RNF144B: variants seen among roughly 807,000 people sequenced by gnomAD.
RNF144B encodes the protein ring finger protein 144B.
A neutral mutation model predicts 40.2 loss-of-function variants in RNF144B; 25 were observed. That is an observed-to-expected ratio of 0.62 (90% confidence interval 0.45 to 0.87). The LOEUF (loss-of-function observed/expected upper bound fraction) is 0.87. Ranked by LOEUF, RNF144B falls within the 40% of genes least tolerant of loss-of-function variation. The pLI is 0.00. For synonymous variants in RNF144B, 145 were observed against 136.3 expected (o/e 1.06, Z -0.44); for missense variants, 365 against 373.7 (o/e 0.98, Z 0.19).
chr6:18,411,653 G>A (rs903400959), intron 2 of RNF144B, among the ~76,000 whole-genome samples: 2 of 150,836 alleles, frequency 1.3e-5, no homozygotes, highest in Admixed American at 1.3e-4. Context: ...ACAAACATGC[G>A]CCACCGCACC....
chr6:18,427,723 T>C, intron 3 of RNF144B, 38 bp downstream of exon 3: 1 of 1,255,820 alleles, frequency 8.0e-7, no homozygotes, highest in Non-Finnish European at 1.2e-6. Flanking sequence ...TCTTTCCTAT[T>C]TATGTTATTT....
Position 18,464,925 on chromosome 6 carries a change from A to G in RNF144B, c.772-2A>G. On this transcript the variant is annotated splice_acceptor_variant, in intron 7 of 7. Transcript: ENST00000259939. LOFTEE classifies it high-confidence loss of function. The surrounding 1 kb of genome is among the most constrained non-coding windows in gnomAD (Gnocchi z 6.1). ...AAATATGCTTTTCTTTGAAATTTCC[A>G]GGTGGTGGGGATTCTCGTAGGCTTG... 1 of 1,613,654 alleles carries G rather than the reference A, an allele frequency of 6.2e-7. No individual in the cohort carries two copies. Among genetic ancestry groups the G allele is most frequent in the Non-Finnish European group, 8.5e-7 (1 of 1,179,746 alleles).
rs1428763328 is a variant in RNF144B at position 18,448,809 on chromosome 6, G to T, written c.332-8346G>T. Among the ~76,000 whole-genome samples, 1 of 151,684 alleles carries T rather than the reference G, an allele frequency of 6.6e-6. No individual in the cohort carries two copies. The highest frequency in any genetic ancestry group is 2.4e-5 in the African/African-American group (1 of 41,284). ...TCTAATCTGTTTCATTTTTATGCTGGTCACAACCTATTAAACTGATACCTC... is the reference window on the plus strand; with the variant it reads ...TCTAATCTGTTTCATTTTTATGCTGTTCACAACCTATTAAACTGATACCTC... On this transcript the variant is annotated intron_variant, in intron 4 of 7. Transcript: ENST00000259939. This position sits in a 1 kb window ranked among gnomAD's most constrained non-coding sequence, Gnocchi z 4.0.
Position 18,444,045 on chromosome 6 carries a change from T to C in RNF144B, c.331+4301T>C, listed in dbSNP as rs74879743. Among the ~76,000 whole-genome samples the C allele has an allele frequency of 0.033, 5,011 of 152,306 alleles. 163 individuals are homozygous for C. Among genetic ancestry groups the C allele is most frequent in the African/African-American group, 0.08 (3,310 of 41,540 alleles). The stretch of plus-strand genomic sequence containing the variant: ...ATCCTTAGTTTTTTCCAATTCTTAG[T>C]GCCTGCCAAGTTCTTTTAGTCTTTA... On this transcript the variant is annotated intron_variant, in intron 4 of 7. Coordinates refer to ENST00000259939, the MANE Select transcript of RNF144B (RefSeq NM_182757.4). This position sits in a 1 kb window ranked among gnomAD's most constrained non-coding sequence, Gnocchi z 4.3.
rs1349984785 is a variant in RNF144B, at chr6:18,457,856, A to T, written c.536+497A>T. On this transcript the variant is annotated intron_variant, in intron 5 of 7. Coordinates refer to ENST00000259939, the MANE Select transcript of RNF144B (RefSeq NM_182757.4). The surrounding 1 kb of genome is among the most constrained non-coding windows in gnomAD (Gnocchi z 5.1). ...GTAGAAAGGAGGGTTCTCTCATGAT[A>T]TTTTATGCTCTGTAAAGGTTGAGAT... Among the ~76,000 whole-genome samples, 1 of 152,150 alleles carries T rather than the reference A, an allele frequency of 6.6e-6. No individual in the cohort carries two copies. The highest frequency in any genetic ancestry group is 1.5e-5 in the Non-Finnish European group (1 of 68,016).
At chr6:18,389,216 G>A (rs1794532344) in intron 1 of RNF144B, among the ~76,000 whole-genome samples, 1 of 152,104 alleles carries the variant, frequency 6.6e-6, no homozygotes, top group African/African-American at 2.4e-5. Flanking sequence ...TCAGTTCATT[G>A]GCAATTTAAA....
chr6:18,447,665 GT>G lies in RNF144B; in HGVS notation c.331+7925del, dbSNP rs1759112935. On this transcript the variant is annotated intron_variant, in intron 4 of 7. Coordinates refer to ENST00000259939, the MANE Select transcript of RNF144B (RefSeq NM_182757.4). The surrounding 1 kb of genome is among the most constrained non-coding windows in gnomAD (Gnocchi z 5.6). ...TTGAAAATGCCCAGATTTGGAGTCT[GT>G]TTTCAAGGTGGAACTGTCAGGATTT... is the stretch of plus-strand genomic sequence containing the variant. Among the ~76,000 whole-genome samples the G allele has an allele frequency of 6.6e-6, 1 of 152,148 alleles. No individual in the cohort carries two copies. Among genetic ancestry groups the G allele is most frequent in the South Asian group, 2.1e-4 (1 of 4,832 alleles).
chr6:18,391,173 G>A (rs190675697), intron 1 of RNF144B, among the ~76,000 whole-genome samples: 1 of 152,124 alleles, frequency 6.6e-6, no homozygotes, highest in African/African-American at 2.4e-5. Flanking sequence ...CCTGGCTCTT[G>A]CTCTATAAGG....
At position 18,434,424 on chromosome 6, in the gene RNF144B, G is replaced by T. The variant is rs1582428705; in HGVS notation, c.271-5260G>T. Among the ~76,000 whole-genome samples the T allele has an allele frequency of 6.6e-6, 1 of 151,940 alleles. No individual in the cohort carries two copies. Among genetic ancestry groups the T allele is most frequent in the African/African-American group, 2.4e-5 (1 of 41,338 alleles). ...ATGCTTGTTTAAATATTATGATCGTGGTTAATACTGATTAACAGGTGTGCC... is the reference window on the plus strand; with the variant it reads ...ATGCTTGTTTAAATATTATGATCGTTGTTAATACTGATTAACAGGTGTGCC... On this transcript the variant is annotated intron_variant, in intron 3 of 7. Coordinates refer to ENST00000259939, the MANE Select transcript of RNF144B (RefSeq NM_182757.4). This position sits in a 1 kb window ranked among gnomAD's most constrained non-coding sequence, Gnocchi z 4.1.
intron 2 of RNF144B, among the ~76,000 whole-genome samples, chr6:18,411,343 A>G (rs1291054997): frequency 3.3e-5 from 5 of 151,244 alleles, no homozygotes; most frequent in Non-Finnish European, 7.4e-5. Context: ...CTAAAGTACA[A>G]AATAATCATG....
chr6:18,465,926 T>G lies in RNF144B; in HGVS notation c.*859T>G, dbSNP rs1356562803. On this transcript the variant is annotated 3_prime_UTR_variant, in exon 8 of 8. Coordinates refer to ENST00000259939, the MANE Select transcript of RNF144B (RefSeq NM_182757.4). ...TATCTGGGACCTTTCTCAGGATCTGTGTTCACACAGCCAATAGATTTGGAA... is the reference window on the plus strand; with the variant it reads ...TATCTGGGACCTTTCTCAGGATCTGGGTTCACACAGCCAATAGATTTGGAA... 2 of 152,232 alleles carry G rather than the reference T, an allele frequency of 1.3e-5. No individual in the cohort carries two copies. Among genetic ancestry groups the G allele is most frequent in the Non-Finnish European group, 2.9e-5 (2 of 68,048 alleles). 9.4% of individuals were successfully genotyped at this position (152,232 alleles called of 1,614,324 possible). A position where few individuals can be genotyped will look rare whatever the true frequency, so the allele number is the denominator to read the frequency against.
rs1256976752 is a variant in RNF144B, at chr6:18,460,849, T to C, written c.681+1098T>C. On this transcript the variant is annotated intron_variant, in intron 6 of 7. Coordinates refer to ENST00000259939, the MANE Select transcript of RNF144B (RefSeq NM_182757.4). The surrounding 1 kb of genome is among the most constrained non-coding windows in gnomAD (Gnocchi z 4.4). Reference sequence around the variant, plus strand: ...TGAGAAGGTCTTACTTCACTTCTGGTCTTTTAAAGTTTGGGGTAACATAAG... The same window carrying C: ...TGAGAAGGTCTTACTTCACTTCTGGCCTTTTAAAGTTTGGGGTAACATAAG... Among the ~76,000 whole-genome samples, 3 of 152,216 alleles carry C rather than the reference T, an allele frequency of 2.0e-5. No individual in the cohort carries two copies. The highest frequency in any genetic ancestry group is 6.5e-5 in the Admixed American group (1 of 15,290).
rs982538410 is a variant in RNF144B, at chr6:18,414,572, A to T, written c.166-13009A>T. ...AATATTGCTACCACTAGTTTTATTT[A>T]AAAATGTTTTAATTTGTATAGATAC... On this transcript the variant is annotated intron_variant, in intron 2 of 7. Transcript: ENST00000259939. The surrounding 1 kb of genome is among the most constrained non-coding windows in gnomAD (Gnocchi z 4.9). Among the ~76,000 whole-genome samples, 3 of 152,192 alleles carry T rather than the reference A, an allele frequency of 2.0e-5. No individual in the cohort carries two copies. The highest frequency in any genetic ancestry group is 4.4e-5 in the Non-Finnish European group (3 of 68,020).
intron 1 of RNF144B, 33 bp from the exon 2 acceptor site, chr6:18,399,466 A>T: frequency 1.4e-6 from 2 of 1,455,626 alleles, no homozygotes; most frequent in Non-Finnish European, 1.9e-6. Flanking sequence ...TTATCAATCC[A>T]TATAATATTT....
chr6:18,436,966 T>G (rs1582431069), intron 3 of RNF144B, among the ~76,000 whole-genome samples: 1 of 151,872 alleles, frequency 6.6e-6, no homozygotes, highest in East Asian at 1.9e-4. Context: ...TTCAGAAAAT[T>G]AGTTCTAATC....
intron 1 of RNF144B, among the ~76,000 whole-genome samples, chr6:18,389,437 T>A (rs563351363): frequency 2.9e-4 from 44 of 152,334 alleles, no homozygotes; most frequent in African/African-American, 1.1e-3. Context: ...AGTATGAATA[T>A]TTTTCATCTG....
intron 3 of RNF144B, among the ~76,000 whole-genome samples, chr6:18,429,669 A>C (rs1253897597): frequency 6.6e-6 from 1 of 152,228 alleles, no homozygotes; most frequent in Non-Finnish European, 1.5e-5. Context: ...TGGACTAGTT[A>C]CTAAGAATAT....
intron 6 of RNF144B, 68 bp from the exon 7 acceptor site, chr6:18,463,223 A>T: frequency 9.9e-7 from 1 of 1,011,310 alleles, no homozygotes; most frequent in Non-Finnish European, 1.6e-6. Flanking sequence ...TGGTGATCTG[A>T]TGTGGTCTGT....
rs1032635143 is a variant in RNF144B at position 18,425,903 on chromosome 6, GA to G, written c.166-1671del. ...TTATAGAAAAAATTAACTCCTTGGAGAAAAAAACTGTTAACTATTTGAAGAG... is the reference window on the plus strand; with the variant it reads ...TTATAGAAAAAATTAACTCCTTGGAGAAAAAACTGTTAACTATTTGAAGAG... On this transcript the variant is annotated intron_variant, in intron 2 of 7. Transcript: ENST00000259939. This position sits in a 1 kb window ranked among gnomAD's most constrained non-coding sequence, Gnocchi z 4.2. Among the ~76,000 whole-genome samples the G allele has an allele frequency of 1.8e-4, 28 of 152,092 alleles. No individual in the cohort carries two copies. The highest frequency in any genetic ancestry group is 4.4e-5 in the Non-Finnish European group (3 of 68,008).
Sources: allele counts gnomAD v4.1 joint callset (sites outside exome capture counted in the v4.1 genomes callset), GRCh38; gene constraint gnomAD v4.1.1; non-coding constraint Gnocchi (gnomAD v3.1); transcripts MANE v1.5; gene names NCBI Gene and HGNC (gene_info 2026-07-23, HGNC 2026-07-21).